The following AKIRIN1 variants were observed in gnomAD, a reference collection of about 807,000 sequenced individuals.
The protein encoded by AKIRIN1 is akirin 1.
In AKIRIN1, 4 loss-of-function variants were observed where a neutral mutation model predicts 25.9. That is an observed-to-expected ratio of 0.15 (90% CI 0.08 to 0.35). The LOEUF is 0.35. Ranked by LOEUF, AKIRIN1 falls within the 10% of genes least tolerant of loss-of-function variation. AKIRIN1 has a pLI of 1.00. For missense variants in AKIRIN1, 243 were observed against 266.1 expected, an observed-to-expected ratio of 0.91 and a Z score of 0.61; for synonymous variants, 125 against 105.1, an observed-to-expected ratio of 1.19 and a Z score of -1.16.
In AKIRIN1 at chr1:38,991,461, C is replaced by G; in HGVS notation, c.81C>G (p.Arg27=). 7.2e-7 allele frequency: 1 copy of G among 1,388,368 alleles called. No individual in the cohort carries two copies. The highest frequency in any genetic ancestry group is 9.3e-7 in the Non-Finnish European group (1 of 1,077,418). 86.0% of individuals were successfully genotyped at this position (1,388,368 alleles called of 1,614,324 possible). ...GCCCCGGCTCCCCGAAGCGGCGGCG[C>G]TGCGCCCCTCTGCCCGGCCCCACTC... ...LLSPGSPKRR[R]CAPLPGPTPG... Residue 27 remains arginine, a synonymous_variant, in exon 1 of 5, where the codon CGC becomes CGG. Coordinates refer to ENST00000432648, the MANE Select transcript of AKIRIN1 (RefSeq NM_024595.3).
chr1:38,998,700 T>TC (rs1274838679), intron 2 of AKIRIN1, among the ~76,000 whole-genome samples: 1 of 151,888 alleles, frequency 6.6e-6, no homozygotes, highest in Non-Finnish European at 1.5e-5. Context: ...GGTCAAGAGT[T>TC]CAAGACCGGC....
At chr1:39,001,225 G>T in intron 3 of AKIRIN1, 119 bp downstream of exon 3, 2 of 1,206,298 alleles carry the variant, frequency 1.7e-6, no homozygotes, top group South Asian at 3.6e-5. Context: ...TGAGTTGCGG[G>T]TATGGAAGTT....
intron 2 of AKIRIN1, among the ~76,000 whole-genome samples, chr1:38,999,087 T>G (rs1266967823): frequency 3.3e-5 from 5 of 152,202 alleles, no homozygotes; most frequent in Non-Finnish European, 4.4e-5. Context: ...GAGACAGTCT[T>G]CATGGTCATG....
At chr1:39,003,133 C>A (rs4147754) in intron 3 of AKIRIN1, among the ~76,000 whole-genome samples, 111,284 of 151,978 alleles carry the variant, frequency 0.73, 42,216 homozygotes, top group Non-Finnish European at 0.85. Flanking sequence ...ATCAGTGACC[C>A]ATTCTAGAAG....
intron 1 of AKIRIN1, 104 bp downstream of exon 1, chr1:38,991,704 C>T (rs1183720049): frequency 8.7e-7 from 1 of 1,154,468 alleles, no homozygotes; most frequent in East Asian, 3.3e-5. Context: ...ACCCAGGGAC[C>T]CCTTCTTTGC....
At chr1:39,002,558 G>A (rs545524903) in intron 3 of AKIRIN1, among the ~76,000 whole-genome samples, 7 of 152,120 alleles carry the variant, frequency 4.6e-5, no homozygotes, top group South Asian at 2.1e-4. Context: ...GTGAAACCCC[G>A]TCTCTACTAA....
Position 39,001,025 on chromosome 1 carries a change from A to C in AKIRIN1, c.415A>C (p.Ile139Leu). ...QPTFTLRQVG[I>L]ICERLLKDYE... ...CACATTTACCCTCCGACAAGTTGGC[A>C]TAATATGTGAGCGCCTCTTAAAAGA... is the stretch of plus-strand genomic sequence containing the variant. The change falls in exon 3 of 5, where the codon ATA becomes CTA. Residue 139 changes from isoleucine (I) to leucine (L), a missense_variant. Physicochemically the swap from Ile to Leu is conservative, Grantham distance 5. Around this residue, in one of 3 missense-constraint regions of AKIRIN1, gnomAD observed 190 missense variants for 174.4 expected, o/e 1.09. Transcript: ENST00000432648. The C allele has an allele frequency of 1.2e-6, 2 of 1,614,010 alleles. No homozygotes were observed. The highest frequency in any genetic ancestry group is 1.7e-6 in the Non-Finnish European group (2 of 1,179,962).
chr1:38,998,896 A>C (rs1477099377), intron 2 of AKIRIN1, among the ~76,000 whole-genome samples: 2 of 152,274 alleles, frequency 1.3e-5, no homozygotes, highest in African/African-American at 4.8e-5. Context: ...AGTTTTTTTA[A>C]AATTCTGTTC....
rs550380847 is a variant in AKIRIN1 at position 39,000,860 on chromosome 1, T to C, written c.362-112T>C. 829 of 1,220,580 alleles carry C rather than the reference T, an allele frequency of 6.8e-4. 14 individuals are homozygous for C. The South Asian group carries it at 8.5e-3, about 12-fold the overall frequency. 75.6% of individuals were successfully genotyped at this position (1,220,580 alleles called of 1,614,324 possible). A position where few individuals can be genotyped will look rare whatever the true frequency, so the allele number is the denominator to read the frequency against. On this transcript the variant is annotated intron_variant, in intron 2 of 4. Transcript: ENST00000432648. ...TAGTAGAGACTGGGTTTCTCCACGT[T>C]GTCAGGCTGGTCTCCACCTCAGATG...
intron 1 of AKIRIN1, among the ~76,000 whole-genome samples, chr1:38,995,274 A>T (rs1643939172): frequency 6.6e-6 from 1 of 152,206 alleles, no homozygotes; most frequent in African/African-American, 2.4e-5. Flanking sequence ...AGGAAAATAA[A>T]TTGAGGCCAC....
chr1:39,001,136 T>G, intron 3 of AKIRIN1, 30 bp downstream of exon 3: 1 of 1,581,820 alleles, frequency 6.3e-7, no homozygotes, highest in Non-Finnish European at 8.6e-7. Flanking sequence ...GCCATTGTCA[T>G]TAACAGGGTT....
chr1:39,001,090 C>A lies in AKIRIN1; in HGVS notation c.480C>A (p.Leu160=). Residue 160 remains leucine, a synonymous_variant, in exon 3 of 5, where the codon CTC becomes CTA. Transcript: ENST00000432648. ...TTCGGGAGGAGTATGAGCAAATCCT[C>A]AATACCAAACTAGCAGGTAGGCCCA... ...DKIREEYEQI[L]NTKLAEQYES... The A allele has an allele frequency of 1.2e-6, 2 of 1,611,894 alleles. No homozygotes were observed. The highest frequency in any genetic ancestry group is 2.2e-5 in the East Asian group (1 of 44,776).
In AKIRIN1 at chr1:38,991,514, C is replaced by T. The variant is rs1643904915; in HGVS notation, c.134C>T (p.Pro45Leu). ...GGCCTCAGGCCCCCGGACGCCGAGC[C>T]GCCGCCGCCGTTTCAGACGCAGACC... ...TPGLRPPDAE[P>L]PPPFQTQTPP... Residue 45 changes from proline to leucine, a missense_variant, in exon 1 of 5, where the codon CCG becomes CTG. By Grantham distance (98) the Pro-to-Leu change is moderately conservative. Coordinates refer to ENST00000432648, the MANE Select transcript of AKIRIN1 (RefSeq NM_024595.3). 2 of 1,451,488 alleles carry T rather than the reference C, an allele frequency of 1.4e-6. No homozygotes were observed. Among genetic ancestry groups the T allele is most frequent in the African/African-American group, 2.9e-5 (2 of 68,188 alleles). 89.9% of individuals were successfully genotyped at this position (1,451,488 alleles called of 1,614,324 possible).
intron 1 of AKIRIN1, among the ~76,000 whole-genome samples, chr1:38,992,105 G>T (rs369139528): frequency 2.0e-5 from 3 of 152,204 alleles, no homozygotes; most frequent in Admixed American, 2.0e-4. Flanking sequence ...AGAGGCCGCC[G>T]CAAGAGTCAC....
rs770413746 is a variant in AKIRIN1 at position 39,004,273 on chromosome 1, C to A, written c.*218C>A. On this transcript the variant is annotated 3_prime_UTR_variant, in exon 5 of 5. Coordinates refer to ENST00000432648, the MANE Select transcript of AKIRIN1 (RefSeq NM_024595.3). ...CTGCTCATCCAATAAACAGCTGTGC[C>A]CTACTGTGATAGATTTTCCAAACAA... 26 of 692,300 alleles carry A rather than the reference C, an allele frequency of 3.8e-5. No individual in the cohort carries two copies. In the South Asian group the frequency reaches 3.9e-4, roughly 10 times the overall value. 42.9% of individuals were successfully genotyped at this position (692,300 alleles called of 1,614,324 possible). A position where few individuals can be genotyped will look rare whatever the true frequency, so the allele number is the denominator to read the frequency against.
At chr1:38,993,209 C>G (rs11205515) in intron 1 of AKIRIN1, among the ~76,000 whole-genome samples, 82,395 of 152,028 alleles carry the variant, frequency 0.54, 22,496 homozygotes, top group Middle Eastern at 0.65. Context: ...TACTACTATC[C>G]TCTAGACTAA....
At chr1:38,999,842 G>GT (rs368454771) in intron 2 of AKIRIN1, among the ~76,000 whole-genome samples, 2 of 151,624 alleles carry the variant, frequency 1.3e-5, no homozygotes, top group South Asian at 2.1e-4. Flanking sequence ...TGCTGCCCAT[G>GT]TTTTTTTGTT....
At chr1:39,001,186 A>T (rs889148667) in intron 3 of AKIRIN1, 80 bp downstream of exon 3, 97 of 1,490,814 alleles carry the variant, frequency 6.5e-5, no homozygotes, top group Non-Finnish European at 8.3e-5. Flanking sequence ...TTAGAAAAAG[A>T]GAGTAGGACC....
intron 1 of AKIRIN1, among the ~76,000 whole-genome samples, chr1:38,993,859 T>C (rs1162093424): frequency 6.6e-6 from 1 of 151,700 alleles, no homozygotes; most frequent in Non-Finnish European, 1.5e-5. Flanking sequence ...TCACCTGAGG[T>C]CGGGAGTTCA....
Sources: allele counts gnomAD v4.1 joint callset (sites outside exome capture counted in the v4.1 genomes callset), GRCh38; gene constraint gnomAD v4.1.1; regional missense constraint gnomAD v4.1.1; transcripts MANE v1.5; gene names NCBI Gene and HGNC (gene_info 2026-07-23, HGNC 2026-07-21).